The following JAG1 variants were observed in gnomAD, a reference collection of about 807,000 sequenced individuals.
JAG1 encodes protein jagged-1.
JAG1 carries 23 observed loss-of-function variants against 148.7 expected under a neutral mutation model. That is an observed-to-expected ratio of 0.15 (90% CI 0.11 to 0.22). JAG1 has a LOEUF of 0.22. JAG1 is among the 10% of genes least tolerant of loss of function. The pLI is 1.00. For missense variants in JAG1, 1,054 were observed against 1,611.2 expected (o/e 0.65, Z 5.92); for synonymous variants, 572 against 598.3 (o/e 0.96, Z 0.64).
rs1600187845 is a variant in JAG1 at position 10,656,418 on chromosome 20, G to A, written c.735C>T (p.Cys245=). The A allele has an allele frequency of 1.2e-6, 2 of 1,613,862 alleles. No homozygotes were observed. Among genetic ancestry groups the A allele is most frequent in the Non-Finnish European group, 1.7e-6 (2 of 1,179,790 alleles). The change falls in exon 5 of 26, where the codon TGC becomes TGT. Residue 245 remains cysteine (C), a synonymous_variant. Transcript: ENST00000254958. ...TTTACCTGCAGTCACCTGGGAGTTTGCAAGACCCATGCTTAGGACTGCAGC... is the reference window on the plus strand; with the variant it reads ...TTTACCTGCAGTCACCTGGGAGTTTACAAGACCCATGCTTAGGACTGCAGC... ...RQGCSPKHGS[C]KLPGDCRCQY...
At chr20:10,655,435 T>C (rs6040056) in intron 5 of JAG1, among the ~76,000 whole-genome samples, 99,921 of 152,028 alleles carry the variant, frequency 0.66, 33,595 homozygotes, top group African/African-American at 0.81. Flanking sequence ...TGCTGATGGT[T>C]CCATCAGCAG....
Position 10,672,840 on chromosome 20 carries a change from T to C in JAG1, c.248A>G (p.Gln83Arg), listed in dbSNP as rs376092818. ...GGGCCCCCCGGCCGTGACGCGGGAC[T>C]GATACTCCTTGAGGCACACTTTGAA... ...TYFKVCLKEYQSRVTAGGPCS... is the reference protein window; with the variant it reads ...TYFKVCLKEYRSRVTAGGPCS... Residue 83 changes from glutamine to arginine, a missense_variant, in exon 2 of 26, where the codon CAG (glutamine) becomes CGG (arginine). This residue lies in a region of JAG1 where 151 missense variants were observed against 211.1 expected (regional missense o/e 0.72). Coordinates refer to ENST00000254958, the MANE Select transcript of JAG1 (RefSeq NM_000214.3). 8.7e-6 allele frequency: 14 copies of C among 1,613,250 alleles called. No homozygotes were observed. In the African/African-American group the frequency reaches 1.9e-4, roughly 21 times the overall value.
At position 10,639,381 on chromosome 20, in the gene JAG1, CTTAAA is replaced by C. The variant is rs1181633489; in HGVS notation, c.*112_*116del. 7.9e-6 allele frequency: 8 copies of C among 1,009,080 alleles called. No homozygotes were observed. The highest frequency in any genetic ancestry group is 4.7e-5 in the African/African-American group (3 of 63,384). 62.5% of individuals were successfully genotyped at this position (1,009,080 alleles called of 1,614,324 possible). ...GCCAGTGTAAGCCAGCTTGTCAAAA[CTTAAA>C]TTAACACAGGGATTCTAAGTCAGCA... is the stretch of plus-strand genomic sequence containing the variant. On this transcript the variant is annotated 3_prime_UTR_variant, in exon 26 of 26. Transcript: ENST00000254958.
Position 10,672,781 on chromosome 20 carries a change from C to G in JAG1, c.307G>C (p.Gly103Arg), listed in dbSNP as rs749591256. 1.5e-5 allele frequency: 24 copies of G among 1,613,138 alleles called. No individual in the cohort carries two copies. The highest frequency in any genetic ancestry group is 7.7e-5 in the South Asian group (7 of 91,086). Residue 103 changes from glycine (G) to arginine (R), a missense_variant, in exon 2 of 26, where the codon GGG (glycine) becomes CGG (arginine). Physicochemically the swap from Gly to Arg is moderately radical, Grantham distance 125. Around this residue, in one of 6 missense-constraint regions of JAG1, gnomAD observed 151 missense variants for 211.1 expected, o/e 0.72. Transcript: ENST00000254958. ...SFGSGSTPVIGGNTFNLKASR... is the reference protein window; with the variant it reads ...SFGSGSTPVIRGNTFNLKASR... ...GCCTTGAGGTTGAAGGTGTTGCCCC[C>G]GATGACAGGCGTGGACCCTGAGCCG...
chr20:10,661,230 AG>A (rs1351685260), intron 3 of JAG1, among the ~76,000 whole-genome samples: 7 of 152,146 alleles, frequency 4.6e-5, no homozygotes, highest in Non-Finnish European at 1.5e-5. Context: ...TCTGCCTGTG[AG>A]GGCTCACTGC....
At chr20:10,650,749 C>T (rs550355227) in intron 8 of JAG1, 22 of 274,040 alleles carry the variant, frequency 8.0e-5, no homozygotes. Flanking sequence ...CCTTATTCCT[C>T]TCATTTGCTT....
chr20:10,644,797 A>G, intron 18 of JAG1, 66 bp downstream of exon 18: 1 of 1,135,232 alleles, frequency 8.8e-7, no homozygotes, highest in East Asian at 2.3e-5. Context: ...TTCCATTGCA[A>G]GTCCCCAAGG....
chr20:10,639,474 A>T lies in JAG1; in HGVS notation c.*24T>A, dbSNP rs760303270. 1.3e-6 allele frequency: 2 copies of T among 1,594,802 alleles called. No individual in the cohort carries two copies. The highest frequency in any genetic ancestry group is 1.7e-5 in the Admixed American group (1 of 60,012). On this transcript the variant is annotated 3_prime_UTR_variant, in exon 26 of 26. Transcript: ENST00000254958. ...AACTACAAGCCCTCAGACTCTACCT[A>T]GCGGCGGCAGTGCCCGCGGTCTGCT...
intron 6 of JAG1, 79 bp downstream of exon 6, chr20:10,652,389 C>T: frequency 1.2e-6 from 2 of 1,601,646 alleles, no homozygotes; most frequent in Non-Finnish European, 1.7e-6. Flanking sequence ...ATAAAAGCCC[C>T]TGCCAATAAA....
chr20:10,639,610 T>A lies in JAG1; in HGVS notation c.3545A>T (p.Glu1182Val). ...CGGCGTGCCGTTGGGGGGCTTCTCT[T>A]CTCTGTCTACCAGCGTGTACGCCGG... ...KQPAYTLVDR[E>V]EKPPNGTPTK... is the part of the protein sequence containing the mutation. The change falls in exon 26 of 26, where the codon GAA becomes GTA. Residue 1182 changes from glutamate (E) to valine (V), a missense_variant. By Grantham distance (121) the Glu-to-Val change is moderately radical. Around this residue, in one of 6 missense-constraint regions of JAG1, gnomAD observed 177 missense variants for 177.3 expected, o/e 1.00. Coordinates refer to ENST00000254958, the MANE Select transcript of JAG1 (RefSeq NM_000214.3). 6.2e-7 allele frequency: 1 copy of A among 1,614,238 alleles called. No homozygotes were observed. Among genetic ancestry groups the A allele is most frequent in the Non-Finnish European group, 8.5e-7 (1 of 1,180,032 alleles).
chr20:10,641,533 C>A lies in JAG1; in HGVS notation c.2843G>T (p.Cys948Phe). 6.2e-7 allele frequency: 1 copy of A among 1,614,210 alleles called. No homozygotes were observed. Among genetic ancestry groups the A allele is most frequent in the Non-Finnish European group, 8.5e-7 (1 of 1,180,038 alleles). The change falls in exon 23 of 26, where the codon TGC becomes TTC. Residue 948 changes from cysteine to phenylalanine, a missense_variant. This residue lies in a region of JAG1 where 342 missense variants were observed against 514.6 expected (regional missense o/e 0.66). Coordinates refer to ENST00000254958, the MANE Select transcript of JAG1 (RefSeq NM_000214.3). ...ATCCTGGTAATAGGAGTCAGAGGTGCACTTTGTCTTCACCGGCTGGAGACT... is the reference window on the plus strand; with the variant it reads ...ATCCTGGTAATAGGAGTCAGAGGTGAACTTTGTCTTCACCGGCTGGAGACT... ...SSSLQPVKTK[C>F]TSDSYYQDNC...
At chr20:10,659,558 A>ATTTTTT (rs2067401687) in intron 3 of JAG1, among the ~76,000 whole-genome samples, 1 of 65,808 alleles carries the variant, frequency 1.5e-5, no homozygotes, top group African/African-American at 6.8e-5. Flanking sequence ...CGATTAAGTT[A>ATTTTTT]CTTTTTTTTT....
Position 10,672,691 on chromosome 20 carries a change from A to G in JAG1, c.387+10T>C. On this transcript the variant is annotated intron_variant, in intron 2 of 25. Transcript: ENST00000254958. ...GCTCCGCCCGGCCTCCTTCCCGAGT[A>G]GTCACTCACCGGCCAGGCGAAACTG... 6.2e-7 allele frequency: 1 copy of G among 1,611,858 alleles called. No homozygotes were observed. The highest frequency in any genetic ancestry group is 8.5e-7 in the Non-Finnish European group (1 of 1,179,654).
chr20:10,665,141 AG>A (rs2067444667), intron 2 of JAG1, among the ~76,000 whole-genome samples: 1 of 152,236 alleles, frequency 6.6e-6, no homozygotes, highest in Non-Finnish European at 1.5e-5. Context: ...TGCCACCAGA[AG>A]CACACTGCTG....
intron 3 of JAG1, among the ~76,000 whole-genome samples, chr20:10,662,908 C>T (rs375575629): frequency 1.3e-5 from 2 of 152,156 alleles, no homozygotes; most frequent in East Asian, 1.9e-4. Context: ...TCTGGCACAT[C>T]GGAGCTCAGC....
At chr20:10,646,261 A>G (rs1290055900) in intron 14 of JAG1, 177 bp from the exon 15 acceptor site, 5 of 644,662 alleles carry the variant, frequency 7.8e-6, no homozygotes, top group Non-Finnish European at 1.4e-5. Flanking sequence ...AGAAGCTTCC[A>G]GAGAGTGCCT....
At chr20:10,671,221 C>T (rs1276880356) in intron 2 of JAG1, among the ~76,000 whole-genome samples, 3 of 152,192 alleles carry the variant, frequency 2.0e-5, no homozygotes, top group African/African-American at 4.8e-5. Context: ...CAGATTTAAA[C>T]GCAGCCAGAC....
intron 3 of JAG1, among the ~76,000 whole-genome samples, chr20:10,661,675 G>A (rs1451534654): frequency 6.6e-6 from 1 of 152,174 alleles, no homozygotes; most frequent in African/African-American, 2.4e-5. Flanking sequence ...TCATAATAAG[G>A]GTGACAAGCA....
chr20:10,647,303 T>TA, intron 13 of JAG1, 200 bp from the exon 14 acceptor site: 4 of 629,702 alleles, frequency 6.4e-6, no homozygotes, highest in Non-Finnish European at 1.1e-5. Flanking sequence ...CAAAGAGTTT[T>TA]AAAGCATTTT....
Sources: gnomAD v4.1 joint callset for allele counts (sites outside exome capture counted in the v4.1 genomes callset) on GRCh38, gnomAD v4.1.1 for gene constraint, gnomAD v4.1.1 regional missense constraint, MANE v1.5 for transcripts, NCBI Gene and HGNC (gene_info 2026-07-23, HGNC 2026-07-21) for gene names.